Variants in GRIN2D observed in about 807,000 individuals in gnomAD.
GRIN2D encodes glutamate ionotropic receptor NMDA type subunit 2D, also known as glutamate receptor ionotropic, NMDA 2D.
Under a neutral mutation model 103.2 loss-of-function variants are expected in GRIN2D, and 37 were observed. The observed-to-expected ratio is 0.36, with a 90% CI of 0.28 to 0.47. The LOEUF (loss-of-function observed/expected upper bound fraction) is 0.47, where lower values mean the gene tolerates loss of function less well. GRIN2D is among the 20% of genes least tolerant of loss of function. GRIN2D has a pLI of 1.00. For missense variants in GRIN2D, 1,557 were observed against 1,910.6 expected (o/e 0.81, Z 3.45); for synonymous variants, 845 against 885.6 (o/e 0.95, Z 0.81).
chr19:48,419,490 G>C, intron 9 of GRIN2D, 95 bp from the exon 10 acceptor site: 1 of 1,368,644 alleles, frequency 7.3e-7, no homozygotes, highest in Non-Finnish European at 1.0e-6. Context: ...GATGCCTTGA[G>C]GGCCACTGGG....
At position 48,442,003 on chromosome 19, in the gene GRIN2D, G is replaced by A. The variant is rs111684636; in HGVS notation, c.2440+47G>A. The A allele has an allele frequency of 6.0e-5, 94 of 1,554,476 alleles. 4 individuals carry two copies. The African/African-American group carries it at 8.1e-4, about 13-fold the overall frequency. On this transcript the variant is annotated intron_variant, in intron 12 of 13. Transcript: ENST00000263269. The surrounding 1 kb of genome is among the most constrained non-coding windows in gnomAD (Gnocchi z 7.2). ...TCCACAGCGGAGAGGGGGAGGGCGA[G>A]GCCCCTGGGTTCCGGGGAAGAAAGG...
In GRIN2D at chr19:48,442,934, C is replaced by T. The variant is rs1971319188; in HGVS notation, c.3008C>T (p.Pro1003Leu). 1 of 1,139,684 alleles carries T rather than the reference C, an allele frequency of 8.8e-7. No individual in the cohort carries two copies. The highest frequency in any genetic ancestry group is 1.7e-5 in the African/African-American group (1 of 59,706). 70.6% of individuals were successfully genotyped at this position (1,139,684 alleles called of 1,614,324 possible). The change falls in exon 14 of 14, where the codon CCG (proline) becomes CTG (leucine). Residue 1003 changes from proline (P) to leucine (L), a missense_variant. This residue lies in a region of GRIN2D where 632 missense variants were observed against 572.8 expected (regional missense o/e 1.10). Coordinates refer to ENST00000263269, the MANE Select transcript of GRIN2D (RefSeq NM_000836.4). This position sits in a 1 kb window ranked among gnomAD's most constrained non-coding sequence, Gnocchi z 7.2. ...SPPAAQPPQK[P>L]PPSYFAIVRD... The stretch of plus-strand genomic sequence containing the variant: ...CCGGCCGCTCAGCCCCCGCAGAAGC[C>T]GCCGCCCTCCTATTTCGCCATCGTA...
At position 48,412,195 on chromosome 19, in the gene GRIN2D, G is replaced by A. The variant is rs187465865; in HGVS notation, c.1086-1796G>A. On this transcript the variant is annotated intron_variant, in intron 4 of 13. Coordinates refer to ENST00000263269, the MANE Select transcript of GRIN2D (RefSeq NM_000836.4). ...ATACAAAAAATTAGCTGGGTGTGGTGGCAGGTGCCTGTAGTCCCAGTTACT... is the reference window on the plus strand; with the variant it reads ...ATACAAAAAATTAGCTGGGTGTGGTAGCAGGTGCCTGTAGTCCCAGTTACT... Among the ~76,000 whole-genome samples the A allele has an allele frequency of 3.7e-4, 56 of 151,910 alleles. 2 individuals are homozygous for A. The East Asian group carries it at 6.2e-3, about 17-fold the overall frequency.
chr19:48,415,929 C>T, intron 7 of GRIN2D, 73 bp from the exon 8 acceptor site: 1 of 1,410,358 alleles, frequency 7.1e-7, no homozygotes, highest in Non-Finnish European at 9.9e-7. Flanking sequence ...GGGCCCGTCT[C>T]TGCTCGCCGT....
At chr19:48,425,973 G>A (rs1172755372) in intron 11 of GRIN2D, among the ~76,000 whole-genome samples, 2 of 151,944 alleles carry the variant, frequency 1.3e-5, no homozygotes, top group African/African-American at 4.8e-5. Context: ...AATTAGTTTT[G>A]CCTGATTTTG....
rs560537425 is a variant in GRIN2D, at chr19:48,442,523, G to C, written c.2674-77G>C. The C allele has an allele frequency of 2.7e-6, 4 of 1,486,176 alleles. No homozygotes were observed. In the African/African-American group the frequency reaches 4.2e-5, roughly 15 times the overall value. The allele number at this position is 1,486,176 out of a possible 1,614,324, so 92.1% of individuals were successfully genotyped here. ...GAAACACAGGCGGGTAAATGGAGAGGAGAGAGGGACTGAGGGGAGGCGGGC... is the reference window on the plus strand; with the variant it reads ...GAAACACAGGCGGGTAAATGGAGAGCAGAGAGGGACTGAGGGGAGGCGGGC... On this transcript the variant is annotated intron_variant, in intron 13 of 13. Coordinates refer to ENST00000263269, the MANE Select transcript of GRIN2D (RefSeq NM_000836.4). This position sits in a 1 kb window ranked among gnomAD's most constrained non-coding sequence, Gnocchi z 7.2.
Position 48,444,276 on chromosome 19 carries a change from T to G in GRIN2D, c.*339T>G. 4.6e-6 allele frequency: 1 copy of G among 216,074 alleles called. No individual in the cohort carries two copies. The highest frequency in any genetic ancestry group is 9.2e-6 in the Non-Finnish European group (1 of 109,100). 13.4% of individuals were successfully genotyped at this position (216,074 alleles called of 1,614,324 possible). On this transcript the variant is annotated 3_prime_UTR_variant, in exon 14 of 14. Coordinates refer to ENST00000263269, the MANE Select transcript of GRIN2D (RefSeq NM_000836.4). This position sits in a 1 kb window ranked among gnomAD's most constrained non-coding sequence, Gnocchi z 5.5. ...CGTCCCACCTCCACGCCCGGGGCCG[T>G]GGCCCCCACATCACTGTGCAGCTCC... is the stretch of plus-strand genomic sequence containing the variant.
chr19:48,443,350 G>A lies in GRIN2D; in HGVS notation c.3424G>A (p.Ala1142Thr). The A allele has an allele frequency of 6.6e-7, 1 of 1,516,354 alleles. No individual in the cohort carries two copies. Among genetic ancestry groups the A allele is most frequent in the South Asian group, 1.2e-5 (1 of 82,426 alleles). 93.9% of individuals were successfully genotyped at this position (1,516,354 alleles called of 1,614,324 possible). Reference sequence around the variant, plus strand: ...GTTCGCCGACTTCCCTTACCCGTATGCCGAGCGCCTCGGGCCGCCGCCCGG... The same window carrying A: ...GTTCGCCGACTTCCCTTACCCGTATACCGAGCGCCTCGGGCCGCCGCCCGG... ...WWFADFPYPY[A>T]ERLGPPPGRY... The change falls in exon 14 of 14, where the codon GCC becomes ACC. Residue 1142 changes from alanine to threonine, a missense_variant. By Grantham distance (58) the Ala-to-Thr change is moderately conservative (BLOSUM62 0). Transcript: ENST00000263269. The surrounding 1 kb of genome is among the most constrained non-coding windows in gnomAD (Gnocchi z 8.9).
intron 3 of GRIN2D, among the ~76,000 whole-genome samples, chr19:48,400,179 A>G (rs1970694262): frequency 6.6e-6 from 1 of 152,088 alleles, no homozygotes; most frequent in South Asian, 2.1e-4. Context: ...GACCTCTGGT[A>G]GAGAAGGAGA....
chr19:48,416,903 C>T (rs568707077), intron 8 of GRIN2D, among the ~76,000 whole-genome samples: 1 of 152,162 alleles, frequency 6.6e-6, no homozygotes, highest in African/African-American at 2.4e-5. Flanking sequence ...CACCACCACG[C>T]CTGGCCAATT....
At chr19:48,423,055 A>G (rs1180809520) in intron 11 of GRIN2D, among the ~76,000 whole-genome samples, 3 of 152,096 alleles carry the variant, frequency 2.0e-5, no homozygotes, top group Non-Finnish European at 4.4e-5. Context: ...TACTTAAAAT[A>G]CAAAAATTAG....
At position 48,443,331 on chromosome 19, in the gene GRIN2D, C is replaced by G; in HGVS notation, c.3405C>G (p.Ala1135=). 3 of 1,540,778 alleles carry G rather than the reference C, an allele frequency of 1.9e-6. No individual in the cohort carries two copies. The highest frequency in any genetic ancestry group is 1.7e-4 in the Middle Eastern group (1 of 5,720). Residue 1135 remains alanine, a synonymous_variant, in exon 14 of 14, where the codon GCC becomes GCG. Transcript: ENST00000263269. The surrounding 1 kb of genome is among the most constrained non-coding windows in gnomAD (Gnocchi z 8.9). ...GCGGCCTGGAGCCCTGGTGGTTCGC[C>G]GACTTCCCTTACCCGTATGCCGAGC... ...SLGGLEPWWF[A]DFPYPYAERL...
intron 3 of GRIN2D, among the ~76,000 whole-genome samples, chr19:48,399,896 G>A (rs1427008442): frequency 6.6e-6 from 1 of 151,728 alleles, no homozygotes; most frequent in Non-Finnish European, 1.5e-5. Context: ...GGGCCAGCGA[G>A]GGGCGGGGCC....
intron 11 of GRIN2D, among the ~76,000 whole-genome samples, chr19:48,429,414 T>C (rs1226000023): frequency 6.6e-6 from 1 of 151,954 alleles, no homozygotes; most frequent in Non-Finnish European, 1.5e-5. Context: ...TTATTTATTT[T>C]TTTGAGATGG....
chr19:48,404,023 T>G (rs1489175096), intron 3 of GRIN2D, among the ~76,000 whole-genome samples: 2 of 152,276 alleles, frequency 1.3e-5, no homozygotes, highest in Non-Finnish European at 1.5e-5. Context: ...GTGGATCATC[T>G]GAGGTCAGGA....
chr19:48,436,944 G>A (rs531963439), intron 11 of GRIN2D, among the ~76,000 whole-genome samples: 2 of 152,236 alleles, frequency 1.3e-5, no homozygotes, highest in African/African-American at 4.8e-5. Context: ...TCTGAGTGAC[G>A]AGGGGAGCCA....
At chr19:48,413,175 TAAA>T (rs34356915) in intron 4 of GRIN2D, among the ~76,000 whole-genome samples, 1 of 97,662 alleles carries the variant, frequency 1.0e-5, no homozygotes, top group African/African-American at 3.8e-5. Context: ...AACCACACAT[TAAA>T]AAAAAAAAAA....
rs753544567 is a variant in GRIN2D, at chr19:48,441,850, C to T, written c.2334C>T (p.Ile778=). 2.5e-6 allele frequency: 4 copies of T among 1,613,952 alleles called. No homozygotes were observed. The highest frequency in any genetic ancestry group is 3.4e-6 in the Non-Finnish European group (4 of 1,180,002). The change falls in exon 12 of 14, where the codon ATC becomes ATT. Residue 778 remains isoleucine (I), a synonymous_variant. Transcript: ENST00000263269. ...ACGAGGGCTGCAAGCTTGTCACCAT[C>T]GGCTCCGGCAAGGTCTTCGCCACGA... is the stretch of plus-strand genomic sequence containing the variant. The part of the protein sequence containing the change: ...RKDEGCKLVT[I]GSGKVFATTG...
intron 8 of GRIN2D, among the ~76,000 whole-genome samples, chr19:48,416,984 A>T (rs1360385713): frequency 6.6e-6 from 1 of 152,082 alleles, no homozygotes; most frequent in Non-Finnish European, 1.5e-5. Context: ...ACCTCAGGTG[A>T]TCTGCCCACC....
Sources: gnomAD v4.1 joint callset for allele counts (sites outside exome capture counted in the v4.1 genomes callset) on GRCh38, gnomAD v4.1.1 for gene constraint, gnomAD v4.1.1 regional missense constraint, Gnocchi (gnomAD v3.1) non-coding constraint, MANE v1.5 for transcripts, NCBI Gene and HGNC (gene_info 2026-07-23, HGNC 2026-07-21) for gene names.